BRINP2: variants seen among roughly 807,000 people sequenced by gnomAD.
The protein encoded by BRINP2 is BMP/retinoic acid inducible neural specific 2.
Under a neutral mutation model 69.2 loss-of-function variants are expected in BRINP2, and 21 were observed. That is an observed-to-expected ratio of 0.30 (90% CI 0.22 to 0.44). The LOEUF (loss-of-function observed/expected upper bound fraction) is 0.44, where lower values mean the gene tolerates loss of function less well. BRINP2 is among the 20% of genes least tolerant of loss of function. The probability of loss-of-function intolerance (pLI) is 1.00; values close to 1 mark genes in which losing one functional copy is unlikely to be tolerated. For missense variants in BRINP2, 877 were observed against 986.0 expected (o/e 0.89, Z 1.48); for synonymous variants, 380 against 394.1 (o/e 0.96, Z 0.42).
chr1:177,242,433 C>T (rs1263314450), intron 2 of BRINP2, among the ~76,000 whole-genome samples: 2 of 152,172 alleles, frequency 1.3e-5, no homozygotes, highest in African/African-American at 4.8e-5. Context: ...TCCCGATGAA[C>T]ACCTCCAGAT....
At chr1:177,241,228 C>T (rs1650194714) in intron 2 of BRINP2, among the ~76,000 whole-genome samples, 1 of 152,192 alleles carries the variant, frequency 6.6e-6, no homozygotes, top group Admixed American at 6.5e-5. Flanking sequence ...GCCTCGGCCT[C>T]CCAAAATGCT....
Position 177,279,878 on chromosome 1 carries a change from C to T in BRINP2, c.1236-534C>T, listed in dbSNP as rs74509845. On this transcript the variant is annotated intron_variant, in intron 7 of 7. Coordinates refer to ENST00000361539, the MANE Select transcript of BRINP2 (RefSeq NM_021165.4). Reference sequence around the variant, plus strand: ...TGGAGAATGAGTGTGGTGGTTCTTTCGGCAGGGACATCAGGAAAGACTTCT... The same window carrying T: ...TGGAGAATGAGTGTGGTGGTTCTTTTGGCAGGGACATCAGGAAAGACTTCT... Among the ~76,000 whole-genome samples the T allele has an allele frequency of 7.8e-3, 1,186 of 152,094 alleles. 14 individuals are homozygous for T. Among genetic ancestry groups the T allele is most frequent in the African/African-American group, 0.027 (1,112 of 41,488 alleles).
intron 1 of BRINP2, among the ~76,000 whole-genome samples, chr1:177,228,099 G>A (rs1649756385): frequency 6.6e-6 from 1 of 152,016 alleles, no homozygotes; most frequent in Non-Finnish European, 1.5e-5. Flanking sequence ...CACTATTCTG[G>A]GTCTCAATAA....
intron 7 of BRINP2, among the ~76,000 whole-genome samples, chr1:177,279,680 G>A (rs951106974): frequency 2.0e-5 from 3 of 152,202 alleles, no homozygotes; most frequent in African/African-American, 7.2e-5. Context: ...ATGATTAAAG[G>A]CTTACCATGC....
At chr1:177,270,394 T>C (rs1291324093) in intron 4 of BRINP2, among the ~76,000 whole-genome samples, 1 of 152,162 alleles carries the variant, frequency 6.6e-6, no homozygotes, top group African/African-American at 2.4e-5. Context: ...TTTAATGACT[T>C]ACCTAATTGA....
intron 4 of BRINP2, among the ~76,000 whole-genome samples, chr1:177,261,652 T>A (rs898134139): frequency 6.6e-6 from 1 of 152,158 alleles, no homozygotes; most frequent in Non-Finnish European, 1.5e-5. Flanking sequence ...AAGGCCATGA[T>A]TGAAGATGGA....
chr1:177,252,143 G>T (rs1650604797), intron 2 of BRINP2, among the ~76,000 whole-genome samples: 1 of 152,194 alleles, frequency 6.6e-6, no homozygotes, highest in Admixed American at 6.5e-5. Flanking sequence ...GTTTGGGATA[G>T]AAAATACTTT....
chr1:177,207,314 C>G (rs529210980), intron 1 of BRINP2, among the ~76,000 whole-genome samples: 1 of 152,068 alleles, frequency 6.6e-6, no homozygotes, highest in Non-Finnish European at 1.5e-5. Context: ...AGATAGAAGG[C>G]AAACTTTGAG....
intron 1 of BRINP2, among the ~76,000 whole-genome samples, chr1:177,197,167 G>A (rs1008561389): frequency 5.9e-5 from 9 of 152,230 alleles, no homozygotes; most frequent in East Asian, 5.8e-4. Context: ...GAAGCACAGC[G>A]GCTTCTGCTT....
chr1:177,179,628 G>T (rs1425605495), intron 1 of BRINP2, among the ~76,000 whole-genome samples: 2 of 147,048 alleles, frequency 1.4e-5, no homozygotes, highest in African/African-American at 5.1e-5. Context: ...CACCTGTTTT[G>T]CTGAACCACT....
rs563876437 is a variant in BRINP2, at chr1:177,207,688, G to A, written c.-76-22113G>A. On this transcript the variant is annotated intron_variant, in intron 1 of 7. Coordinates refer to ENST00000361539, the MANE Select transcript of BRINP2 (RefSeq NM_021165.4). Reference sequence around the variant, plus strand: ...TCTAGAATTCCAGATGTCAGTTGCCGACATGGTGGCCGTTTTCCTGGAATA... The same window carrying A: ...TCTAGAATTCCAGATGTCAGTTGCCAACATGGTGGCCGTTTTCCTGGAATA... Among the ~76,000 whole-genome samples the A allele has an allele frequency of 1.8e-4, 27 of 152,236 alleles. No homozygotes were observed. In the South Asian group the frequency reaches 3.9e-3, roughly 22 times the overall value.
At chr1:177,226,423 A>T (rs1249220408) in intron 1 of BRINP2, among the ~76,000 whole-genome samples, 1 of 152,162 alleles carries the variant, frequency 6.6e-6, no homozygotes, top group Non-Finnish European at 1.5e-5. Flanking sequence ...AAATTGCCAC[A>T]CTGGCTTCTT....
At chr1:177,198,658 C>T (rs1648814528) in intron 1 of BRINP2, among the ~76,000 whole-genome samples, 1 of 152,184 alleles carries the variant, frequency 6.6e-6, no homozygotes, top group African/African-American at 2.4e-5. Flanking sequence ...AGAAAAGAGT[C>T]CATTATCCTG....
At chr1:177,256,356 A>T (rs1650758782) in intron 3 of BRINP2, 11 of 985,414 alleles carry the variant, frequency 1.1e-5, no homozygotes, top group Non-Finnish European at 1.3e-5. Context: ...GGCTCCTAAC[A>T]AGCACTTGCC....
At chr1:177,226,632 T>C (rs1649700912) in intron 1 of BRINP2, among the ~76,000 whole-genome samples, 1 of 152,188 alleles carries the variant, frequency 6.6e-6, no homozygotes, top group South Asian at 2.1e-4. Context: ...GTCAGGAGCA[T>C]GGGTACAGGT....
At chr1:177,263,234 A>G (rs1050260770) in intron 4 of BRINP2, among the ~76,000 whole-genome samples, 1 of 152,148 alleles carries the variant, frequency 6.6e-6, no homozygotes. Flanking sequence ...GGTGATGCCT[A>G]ATATTGAGAT....
intron 6 of BRINP2, among the ~76,000 whole-genome samples, chr1:177,276,653 G>A (rs1373557325): frequency 4.6e-5 from 7 of 152,184 alleles, no homozygotes; most frequent in Admixed American, 1.3e-4. Flanking sequence ...TTACATAGGT[G>A]TGTTTTAAGG....
At chr1:177,223,679 C>A (rs1056637117) in intron 1 of BRINP2, among the ~76,000 whole-genome samples, 1 of 152,124 alleles carries the variant, frequency 6.6e-6, no homozygotes, top group Admixed American at 6.5e-5. Flanking sequence ...ATTTAGTAAA[C>A]AGTAATTATG....
chr1:177,182,705 C>G (rs1648297331), intron 1 of BRINP2, among the ~76,000 whole-genome samples: 1 of 152,190 alleles, frequency 6.6e-6, no homozygotes, highest in Admixed American at 6.5e-5. Context: ...AGAAGAGGCT[C>G]AGGCATGGTG....
Sources: gnomAD v4.1 joint callset for allele counts (sites outside exome capture counted in the v4.1 genomes callset) on GRCh38, gnomAD v4.1.1 for gene constraint, MANE v1.5 for transcripts, NCBI Gene and HGNC (gene_info 2026-07-23, HGNC 2026-07-21) for gene names.